Variants in SPRED2 observed in about 807,000 individuals in gnomAD.
The protein encoded by SPRED2 is sprouty related EVH1 domain containing 2, also known as sprouty-related, EVH1 domain-containing protein 2.
Under a neutral mutation model 43.0 loss-of-function variants are expected in SPRED2, and 47 were observed. The observed-to-expected ratio is 1.09, with a 90% CI of 0.87 to 1.40. The LOEUF is 1.40. Ranked by LOEUF, SPRED2 falls within the 40% of genes most tolerant of loss-of-function variation. The pLI, the probability that SPRED2 is intolerant of heterozygous loss-of-function variation, is 0.00. For missense variants in SPRED2, 561 were observed against 586.4 expected, an observed-to-expected ratio of 0.96 and a Z score of 0.45; for synonymous variants, 225 against 225.7, an observed-to-expected ratio of 1.00 and a Z score of 0.03.
At chr2:65,393,368 G>A (rs1211034129) in intron 1 of SPRED2, among the ~76,000 whole-genome samples, 1 of 142,522 alleles carries the variant, frequency 7.0e-6, no homozygotes, top group Non-Finnish European at 1.5e-5. Context: ...GTCTGGCTCT[G>A]TCTCCCAGGC....
At chr2:65,403,088 T>C (rs1675942564) in intron 1 of SPRED2, among the ~76,000 whole-genome samples, 1 of 152,184 alleles carries the variant, frequency 6.6e-6, no homozygotes, top group Non-Finnish European at 1.5e-5. Flanking sequence ...AATACAAAGC[T>C]TCAGACTTCA....
intron 1 of SPRED2, among the ~76,000 whole-genome samples, chr2:65,427,286 C>G (rs904037446): frequency 6.6e-6 from 1 of 151,998 alleles, no homozygotes. Flanking sequence ...ACTGTGTTGC[C>G]CAGGCTGGTT....
At position 65,396,663 on chromosome 2, in the gene SPRED2, A is replaced by AT. The variant is rs368079410; in HGVS notation, c.26+35298dup. ...CTGGGACATACTAGAGAAGTAAAGA[A>AT]TTTTTTTATTCCAAAGGAGCAGTGA... On this transcript the variant is annotated intron_variant, in intron 1 of 5. Coordinates refer to ENST00000356388, the MANE Select transcript of SPRED2 (RefSeq NM_181784.3). Among the ~76,000 whole-genome samples, 724 of 152,298 alleles carry AT rather than the reference A, an allele frequency of 4.8e-3. 8 individuals carry two copies. Among genetic ancestry groups the AT allele is most frequent in the African/African-American group, 0.017 (700 of 41,556 alleles).
intron 1 of SPRED2, among the ~76,000 whole-genome samples, chr2:65,418,369 A>G (rs1242061947): frequency 6.6e-6 from 1 of 151,984 alleles, no homozygotes; most frequent in Non-Finnish European, 1.5e-5. Context: ...GAGTGTCCCT[A>G]TCTGTGGAAG....
chr2:65,334,525 A>C, intron 3 of SPRED2, 80 bp downstream of exon 3: 1 of 1,539,646 alleles, frequency 6.5e-7, no homozygotes, highest in Non-Finnish European at 8.9e-7. Context: ...CCACAAATAA[A>C]TGATGGCAGA....
chr2:65,421,234 G>A (rs564081850), intron 1 of SPRED2, among the ~76,000 whole-genome samples: 98 of 152,284 alleles, frequency 6.4e-4, no homozygotes, highest in African/African-American at 2.3e-3. Flanking sequence ...TGCTAAGAAT[G>A]GGGAGGGACA....
At chr2:65,346,174 C>T (rs902825093) in intron 1 of SPRED2, among the ~76,000 whole-genome samples, 1 of 152,108 alleles carries the variant, frequency 6.6e-6, no homozygotes, top group Non-Finnish European at 1.5e-5. Flanking sequence ...CAGCCCTGCT[C>T]ACCTCACTCA....
intron 2 of SPRED2, among the ~76,000 whole-genome samples, chr2:65,343,537 C>T (rs905692043): frequency 1.3e-5 from 2 of 152,166 alleles, no homozygotes; most frequent in Non-Finnish European, 2.9e-5. Context: ...GTAACACTGA[C>T]ATATTCTTGT....
intron 4 of SPRED2, among the ~76,000 whole-genome samples, chr2:65,327,955 C>T (rs1224648420): frequency 6.6e-6 from 1 of 152,032 alleles, no homozygotes; most frequent in Non-Finnish European, 1.5e-5. Flanking sequence ...AATTGCTGAC[C>T]TCGTGATCCG....
chr2:65,392,342 C>T (rs1210913200), intron 1 of SPRED2, among the ~76,000 whole-genome samples: 1 of 151,670 alleles, frequency 6.6e-6, no homozygotes. Context: ...CCATGCCTGG[C>T]TAATTTTAAT....
chr2:65,368,529 A>T (rs1675041437), intron 1 of SPRED2, among the ~76,000 whole-genome samples: 1 of 152,238 alleles, frequency 6.6e-6, no homozygotes, highest in Non-Finnish European at 1.5e-5. Context: ...ATAAGTTCAC[A>T]GTTCATTGAA....
intron 1 of SPRED2, among the ~76,000 whole-genome samples, chr2:65,395,946 CT>C (rs894770729): frequency 1.3e-5 from 2 of 152,120 alleles, no homozygotes; most frequent in African/African-American, 4.8e-5. Flanking sequence ...CAAATTACTC[CT>C]TTTTCTCTTC....
intron 1 of SPRED2, among the ~76,000 whole-genome samples, chr2:65,405,883 G>T (rs1053466496): frequency 6.6e-6 from 1 of 152,002 alleles, no homozygotes; most frequent in Non-Finnish European, 1.5e-5. Flanking sequence ...TTTGCTAAGT[G>T]ACTGTTCCCA....
chr2:65,379,180 A>G (rs1348222917), intron 1 of SPRED2, among the ~76,000 whole-genome samples: 1 of 152,182 alleles, frequency 6.6e-6, no homozygotes. Flanking sequence ...ACTTTTTACC[A>G]ATATCAGGAT....
intron 1 of SPRED2, among the ~76,000 whole-genome samples, chr2:65,346,588 T>A (rs1674356945): frequency 6.6e-6 from 1 of 152,156 alleles, no homozygotes; most frequent in African/African-American, 2.4e-5. Flanking sequence ...TCTGATACTC[T>A]AGGTACCTCA....
At chr2:65,334,493 C>T in intron 3 of SPRED2, 112 bp downstream of exon 3, 2 of 1,375,010 alleles carry the variant, frequency 1.5e-6, no homozygotes, top group Non-Finnish European at 2.0e-6. Flanking sequence ...CTGACCTGGT[C>T]CCAAACCCTC....
chr2:65,397,055 C>A (rs1457911715), intron 1 of SPRED2, among the ~76,000 whole-genome samples: 1 of 151,320 alleles, frequency 6.6e-6, no homozygotes, highest in East Asian at 1.9e-4. Flanking sequence ...TAAATAAGAA[C>A]ACAAGAATCG....
At chr2:65,381,167 C>T (rs1001967542) in intron 1 of SPRED2, among the ~76,000 whole-genome samples, 3 of 152,192 alleles carry the variant, frequency 2.0e-5, no homozygotes, top group Middle Eastern at 3.2e-3. Context: ...CAAGTTAGCC[C>T]AGCAAAGCTC....
intron 1 of SPRED2, among the ~76,000 whole-genome samples, chr2:65,357,759 C>G (rs986423187): frequency 1.1e-4 from 16 of 152,182 alleles, no homozygotes; most frequent in Non-Finnish European, 1.5e-5. Context: ...AAGTTTCACA[C>G]CAATAGAGGT....
Sources: gnomAD v4.1 joint callset for allele counts (sites outside exome capture counted in the v4.1 genomes callset) on GRCh38, gnomAD v4.1.1 for gene constraint, MANE v1.5 for transcripts, NCBI Gene and HGNC (gene_info 2026-07-23, HGNC 2026-07-21) for gene names.